VGLL1: variants seen among roughly 807,000 people sequenced by gnomAD.
The protein encoded by VGLL1 is transcription cofactor vestigial-like protein 1.
A neutral mutation model predicts 12.0 loss-of-function variants in VGLL1; 4 were observed. That is an observed-to-expected ratio of 0.33 (90% CI 0.16 to 0.76). VGLL1 has a LOEUF of 0.76. Among genes scored for constraint, VGLL1 ranks in the 30% least tolerant of loss-of-function variants. The pLI is 0.60. For synonymous variants in VGLL1, 87 were observed against 81.2 expected (o/e 1.07, Z -0.39); for missense variants, 204 against 208.7 (o/e 0.98, Z 0.14).
intron 2 of VGLL1, among the ~76,000 whole-genome samples, chrX:136,539,736 T>C (rs765714155): frequency 5.4e-5 from 6 of 111,888 alleles, no homozygotes; most frequent in Admixed American, 9.5e-5. Context: ...CAATTCCAAA[T>C]GCATATCTGC....
At chrX:136,543,582 C>A (rs1256338909) in intron 2 of VGLL1, among the ~76,000 whole-genome samples, 1 of 110,825 alleles carries the variant, frequency 9.0e-6, no homozygotes, top group Non-Finnish European at 1.9e-5. Flanking sequence ...CATAGAGAGA[C>A]CCTGTCTCTA....
chrX:136,534,529 C>A (rs1007374751), intron 1 of VGLL1, among the ~76,000 whole-genome samples: 1 of 112,317 alleles, frequency 8.9e-6, no homozygotes, highest in African/African-American at 3.2e-5. Flanking sequence ...ATAAATATGT[C>A]ACAGCTAATT....
intron 2 of VGLL1, among the ~76,000 whole-genome samples, 170 bp downstream of exon 2, chrX:136,536,404 G>T (rs1187734642): frequency 2.7e-5 from 3 of 111,414 alleles, no homozygotes; most frequent in Admixed American, 9.5e-5. Flanking sequence ...TCAAAATGGG[G>T]CTGCCATCTA....
At chrX:136,534,081 T>A (rs893147343) in intron 1 of VGLL1, among the ~76,000 whole-genome samples, 3 of 112,845 alleles carry the variant, frequency 2.7e-5, no homozygotes. Context: ...CATTGCTTTA[T>A]AATTCATAAC....
At chrX:136,542,968 G>C (rs760928904) in intron 2 of VGLL1, among the ~76,000 whole-genome samples, 5 of 111,893 alleles carry the variant, frequency 4.5e-5, no homozygotes, top group Middle Eastern at 4.6e-3. Flanking sequence ...AACTCTACTG[G>C]TTAACTCTAT....
intron 2 of VGLL1, among the ~76,000 whole-genome samples, chrX:136,540,662 GC>G (rs2075853533): frequency 8.9e-6 from 1 of 111,928 alleles, no homozygotes; most frequent in Non-Finnish European, 1.9e-5. Flanking sequence ...GAGCTCCGTG[GC>G]AGTAGGGACT....
intron 2 of VGLL1, among the ~76,000 whole-genome samples, chrX:136,542,519 G>A: frequency 8.9e-6 from 1 of 112,624 alleles, no homozygotes; most frequent in Non-Finnish European, 1.9e-5. Flanking sequence ...GTGCTTCTGG[G>A]GTGGTGATCA....
chrX:136,541,527 C>T (rs924565463), intron 2 of VGLL1, among the ~76,000 whole-genome samples: 2 of 112,553 alleles, frequency 1.8e-5, no homozygotes, highest in Non-Finnish European at 3.8e-5. Flanking sequence ...GGCTTCCAGT[C>T]CCACAGAGGT....
chrX:136,536,515 C>A (rs2075840306), intron 2 of VGLL1, among the ~76,000 whole-genome samples: 1 of 111,311 alleles, frequency 9.0e-6, no homozygotes, highest in Non-Finnish European at 1.9e-5. Context: ...ACAAACTGTT[C>A]CTTGTCTGCA....
rs2075883753 is a variant in VGLL1, at chrX:136,550,839, C to G, written c.688+18C>G. On this transcript the variant is annotated intron_variant, in intron 4 of 4. Transcript: ENST00000370634. ...AAATGAAAGTAGGTATCTGGGCCAG[C>G]CTTTGATGGTGTGTGTCTGTATCCT... is the stretch of plus-strand genomic sequence containing the variant. 5 of 1,194,577 alleles carry G rather than the reference C, an allele frequency of 4.2e-6. No individual in the cohort carries two copies. The highest frequency in any genetic ancestry group is 1.7e-5 in the African/African-American group (1 of 57,314).
intron 2 of VGLL1, among the ~76,000 whole-genome samples, chrX:136,538,813 C>T (rs1366671019): frequency 9.3e-6 from 1 of 107,656 alleles, no homozygotes; most frequent in Non-Finnish European, 1.9e-5. Flanking sequence ...GTGGTTTTCT[C>T]AGAGAATCTT....
chrX:136,556,665 G>A lies in VGLL1; in HGVS notation c.*126G>A, dbSNP rs957471241. ...CCTCCCCAATCTGTTAAACAGCTTC[G>A]TGTCTAGTATGAGCTCAGTACTTGC... On this transcript the variant is annotated 3_prime_UTR_variant, in exon 5 of 5. Coordinates refer to ENST00000370634, the MANE Select transcript of VGLL1 (RefSeq NM_016267.4). 8.6e-6 allele frequency: 5 copies of A among 582,475 alleles called. No individual in the cohort carries two copies. The highest frequency in any genetic ancestry group is 1.4e-5 in the Non-Finnish European group (5 of 363,678). The allele number at this position is 582,475 out of a possible 1,213,427, so 48.0% of individuals were successfully genotyped here.
chrX:136,536,184 C>T lies in VGLL1; in HGVS notation c.164C>T (p.Pro55Leu). The T allele has an allele frequency of 8.3e-7, 1 of 1,211,121 alleles. No individual in the cohort carries two copies. Among genetic ancestry groups the T allele is most frequent in the Non-Finnish European group, 1.1e-6 (1 of 895,391 alleles). ...FSRALSNIKSPQELTPSSQSE... is the reference protein window; with the variant it reads ...FSRALSNIKSLQELTPSSQSE... ...AGAGCTCTGAGCAATATCAAGAGCC[C>T]CCAGGAATTGACCCCCTCGAGTCAG... Residue 55 changes from proline to leucine, a missense_variant, in exon 2 of 5, where the codon CCC (proline) becomes CTC (leucine). Transcript: ENST00000370634.
intron 2 of VGLL1, among the ~76,000 whole-genome samples, chrX:136,546,594 G>A (rs1254482881): frequency 1.8e-5 from 2 of 112,295 alleles, no homozygotes; most frequent in African/African-American, 6.5e-5. Flanking sequence ...AAGCAGTTAA[G>A]AGAAATATTC....
At chrX:136,542,161 C>G (rs189343675) in intron 2 of VGLL1, among the ~76,000 whole-genome samples, 1 of 109,520 alleles carries the variant, frequency 9.1e-6, no homozygotes, top group Non-Finnish European at 1.9e-5. Context: ...TTCTCTCTCC[C>G]CTCCCATCTG....
chrX:136,556,577 A>G lies in VGLL1; in HGVS notation c.*38A>G. The stretch of plus-strand genomic sequence containing the variant: ...AGAAAGACAACACTTGGTCTAAGAC[A>G]CGGCAGCAAGACATCCCTGCATATT... On this transcript the variant is annotated 3_prime_UTR_variant, in exon 5 of 5. Transcript: ENST00000370634. The G allele has an allele frequency of 8.8e-7, 1 of 1,137,731 alleles. No homozygotes were observed. The highest frequency in any genetic ancestry group is 3.0e-5 in the East Asian group (1 of 33,540). 93.8% of individuals were successfully genotyped at this position (1,137,731 alleles called of 1,213,427 possible).
chrX:136,548,854 G>A lies in VGLL1; in HGVS notation c.480G>A (p.Gln160=). Residue 160 remains glutamine (Q), a synonymous_variant, in exon 3 of 5, where the codon CAG becomes CAA. Transcript: ENST00000370634. The part of the protein sequence containing the change: ...FPARHLVPEP[Q]PDGKREPLLS... The stretch of plus-strand genomic sequence containing the variant: ...CTCGGCACCTGGTTCCAGAGCCCCA[G>A]CCTGATGGGAAACGTGAGCCTCTCC... The A allele has an allele frequency of 8.2e-7, 1 of 1,212,184 alleles. No individual in the cohort carries two copies. Among genetic ancestry groups the A allele is most frequent in the Non-Finnish European group, 1.1e-6 (1 of 895,627 alleles).
chrX:136,550,261 G>C, intron 3 of VGLL1, among the ~76,000 whole-genome samples: 1 of 112,682 alleles, frequency 8.9e-6, no homozygotes, highest in Non-Finnish European at 1.9e-5. Flanking sequence ...ATATATGCCT[G>C]TGCATACACA....
chrX:136,555,104 A>T, intron 4 of VGLL1, among the ~76,000 whole-genome samples: 1 of 112,325 alleles, frequency 8.9e-6, no homozygotes, highest in East Asian at 2.8e-4. Context: ...AGCCAGTGTG[A>T]TAAGAGAAGA....
Sources: gnomAD v4.1 joint callset for allele counts (sites outside exome capture counted in the v4.1 genomes callset) on GRCh38, gnomAD v4.1.1 for gene constraint, MANE v1.5 for transcripts, NCBI Gene and HGNC (gene_info 2026-07-23, HGNC 2026-07-21) for gene names.